The following SORCS1 variants were observed in gnomAD, a reference collection of about 807,000 sequenced individuals.
The protein encoded by SORCS1 is VPS10 domain-containing receptor SorCS1.
A neutral mutation model predicts 146.1 loss-of-function variants in SORCS1; 60 were observed. That is an observed-to-expected ratio of 0.41 (90% CI 0.33 to 0.51). The LOEUF (loss-of-function observed/expected upper bound fraction) is 0.51. Among genes scored for constraint, SORCS1 ranks in the 20% least tolerant of loss-of-function variants. SORCS1 has a pLI of 0.21. For synonymous variants in SORCS1, 637 were observed against 584.0 expected (o/e 1.09, Z -1.31); for missense variants, 1,352 against 1,487.6 (o/e 0.91, Z 1.50).
chr10:106,792,198 G>A (rs12360181), intron 3 of SORCS1, among the ~76,000 whole-genome samples: 1 of 152,214 alleles, frequency 6.6e-6, no homozygotes, highest in Middle Eastern at 3.4e-3. Flanking sequence ...TTTCAAGCTC[G>A]AAGACAATTA....
chr10:106,857,615 T>C (rs1049295726), intron 2 of SORCS1, among the ~76,000 whole-genome samples: 3 of 152,184 alleles, frequency 2.0e-5, no homozygotes, highest in Non-Finnish European at 4.4e-5. Flanking sequence ...CCTTAATAAC[T>C]TAGGATGCAT....
intron 1 of SORCS1, among the ~76,000 whole-genome samples, chr10:107,122,443 TAAGG>T (rs1336681109): frequency 6.6e-6 from 1 of 152,136 alleles, no homozygotes; most frequent in Non-Finnish European, 1.5e-5. Flanking sequence ...CCAGGAAAGG[TAAGG>T]AAGAAGCTAC....
At chr10:107,175,643 C>G in the SORCS1 span, among the ~76,000 whole-genome samples, 1 of 151,974 alleles carries the variant, frequency 6.6e-6, no homozygotes, top group Admixed American at 6.6e-5. Flanking sequence ...ACCATGTGAC[C>G]CAGGCTGGTC....
chr10:106,927,549 C>G (rs1303535142), intron 2 of SORCS1, among the ~76,000 whole-genome samples: 1 of 152,174 alleles, frequency 6.6e-6, no homozygotes, highest in African/African-American at 2.4e-5. Flanking sequence ...GTTGCCACTG[C>G]TAGCTCGGGC....
chr10:106,652,540 C>T lies in SORCS1; in HGVS notation c.2317G>A (p.Val773Ile). 3 of 1,613,432 alleles carry T rather than the reference C, an allele frequency of 1.9e-6. No homozygotes were observed. The highest frequency in any genetic ancestry group is 2.5e-6 in the Non-Finnish European group (3 of 1,179,464). The stretch of plus-strand genomic sequence containing the variant: ...ACGCCATCAGTGCAATTATTGGAAA[C>T]CACCTTCCTGTACCTAAATGGAAAA... Reference protein sequence around the residue: ...YLNSTGYRKVVSNNCTDGVRE... With the variant: ...YLNSTGYRKVISNNCTDGVRE... The change falls in exon 18 of 26, where the codon GTT (valine) becomes ATT (isoleucine). Residue 773 changes from valine (V) to isoleucine (I), a missense_variant. Val to Ile is a conservative substitution (Grantham distance 29). Transcript: ENST00000263054.
intron 6 of SORCS1, among the ~76,000 whole-genome samples, chr10:106,720,738 G>A (rs990458417): frequency 6.6e-6 from 1 of 152,078 alleles, no homozygotes; most frequent in Admixed American, 6.5e-5. Flanking sequence ...TGAGTGAAAA[G>A]TTTTCTGTGC....
intron 6 of SORCS1, among the ~76,000 whole-genome samples, chr10:106,723,158 T>A (rs1855898772): frequency 6.6e-6 from 1 of 152,172 alleles, no homozygotes; most frequent in South Asian, 2.1e-4. Flanking sequence ...TTATCTCTAC[T>A]AAAAACGTAA....
intron 2 of SORCS1, among the ~76,000 whole-genome samples, chr10:106,914,328 G>A (rs547266167): frequency 6.6e-6 from 1 of 152,086 alleles, no homozygotes; most frequent in Non-Finnish European, 1.5e-5. Flanking sequence ...CGTAGTTAAG[G>A]TTCATATCAT....
intron 18 of SORCS1, among the ~76,000 whole-genome samples, chr10:106,630,893 T>C (rs1327291484): frequency 6.6e-6 from 1 of 151,960 alleles, no homozygotes; most frequent in Non-Finnish European, 1.5e-5. Context: ...TTTAGATTCT[T>C]AAGGAAAAAA....
chr10:106,593,343 G>T (rs1845724130), intron 24 of SORCS1, among the ~76,000 whole-genome samples: 2 of 152,074 alleles, frequency 1.3e-5, no homozygotes, highest in Non-Finnish European at 2.9e-5. Flanking sequence ...ACAGGAAACA[G>T]ATCCCTCCCA....
At position 106,589,650 on chromosome 10, in the gene SORCS1, T is replaced by G. The variant is rs564743024; in HGVS notation, c.3265+7701A>C. On this transcript the variant is annotated intron_variant, in intron 24 of 25. Coordinates refer to ENST00000263054, the MANE Select transcript of SORCS1 (RefSeq NM_052918.5). Reference sequence around the variant, plus strand: ...TGGGGTTTTTCACTTATATGTTTGATGACATCCAACCCAACATGAACCACC... The same window carrying G: ...TGGGGTTTTTCACTTATATGTTTGAGGACATCCAACCCAACATGAACCACC... Among the ~76,000 whole-genome samples the G allele has an allele frequency of 1.4e-4, 20 of 143,440 alleles. No individual in the cohort carries two copies. In the South Asian group the frequency reaches 4.1e-3, roughly 29 times the overall value. 94.1% of individuals were successfully genotyped at this position (143,440 alleles called of 152,430 possible). A position where few individuals can be genotyped will look rare whatever the true frequency, so the allele number is the denominator to read the frequency against.
chr10:107,159,979 G>A lies in SORCS1; in HGVS notation c.558+3990C>T, dbSNP rs545831689. The stretch of plus-strand genomic sequence containing the variant: ...CAACTGAGCTGAAAGCTGAATGATC[G>A]CAGGTTACCTCTTGCTCACTGAATC... On this transcript the variant is annotated intron_variant, in intron 1 of 25. Transcript: ENST00000263054. Among the ~76,000 whole-genome samples the A allele has an allele frequency of 7.9e-5, 12 of 152,260 alleles. No homozygotes were observed. In the South Asian group the frequency reaches 2.1e-3, roughly 26 times the overall value.
chr10:106,783,844 A>T lies in SORCS1; in HGVS notation c.727-7152T>A, dbSNP rs1482686024. Among the ~76,000 whole-genome samples the T allele has an allele frequency of 5.3e-5, 8 of 152,190 alleles. No individual in the cohort carries two copies. In the East Asian group the frequency reaches 1.2e-3, roughly 22 times the overall value. ...GGAAAAGGATAATAGGAATGGGCAAAAATCTCTGATGTAATGTTCTTATTG... is the reference window on the plus strand; with the variant it reads ...GGAAAAGGATAATAGGAATGGGCAATAATCTCTGATGTAATGTTCTTATTG... On this transcript the variant is annotated intron_variant, in intron 3 of 25. Coordinates refer to ENST00000263054, the MANE Select transcript of SORCS1 (RefSeq NM_052918.5).
intron 24 of SORCS1, among the ~76,000 whole-genome samples, chr10:106,582,169 T>C (rs1304606133): frequency 6.6e-6 from 1 of 152,020 alleles, no homozygotes; most frequent in Non-Finnish European, 1.5e-5. Context: ...ATGAACCTTT[T>C]CCCTTCTCTT....
intron 4 of SORCS1, among the ~76,000 whole-genome samples, chr10:106,774,876 A>G (rs1015167335): frequency 3.3e-5 from 5 of 152,182 alleles, no homozygotes; most frequent in African/African-American, 1.2e-4. Flanking sequence ...GGCATCTAAC[A>G]TTTGTTTCTT....
intron 2 of SORCS1, among the ~76,000 whole-genome samples, chr10:106,947,196 G>T (rs1452826174): frequency 6.6e-6 from 1 of 152,138 alleles, no homozygotes. Context: ...AACTATTATT[G>T]CTTGCACGTG....
chr10:107,170,948 T>G, the SORCS1 span, among the ~76,000 whole-genome samples: 1 of 152,334 alleles, frequency 6.6e-6, no homozygotes, highest in East Asian at 1.9e-4. Context: ...ATCCCGTGCA[T>G]GTCACTCACT....
intron 4 of SORCS1, among the ~76,000 whole-genome samples, chr10:106,773,147 T>A (rs904968436): frequency 6.6e-5 from 10 of 152,188 alleles, no homozygotes; most frequent in Non-Finnish European, 1.3e-4. Flanking sequence ...GCAGAGATAA[T>A]ACTAAGTAAG....
intron 3 of SORCS1, among the ~76,000 whole-genome samples, chr10:106,788,470 C>T (rs754807256): frequency 4.6e-5 from 7 of 152,172 alleles, no homozygotes; most frequent in Non-Finnish European, 8.8e-5. Flanking sequence ...TTAGTTACTT[C>T]CAAAATACAA....
Sources: allele counts gnomAD v4.1 joint callset (sites outside exome capture counted in the v4.1 genomes callset), GRCh38; gene constraint gnomAD v4.1.1; transcripts MANE v1.5; gene names NCBI Gene and HGNC (gene_info 2026-07-23, HGNC 2026-07-21).